Variants in SYTL5 observed in about 807,000 individuals in gnomAD.
SYTL5 encodes synaptotagmin like 5.
Under a neutral mutation model 55.9 loss-of-function variants are expected in SYTL5, and 34 were observed. The ratio of observed to expected loss-of-function variants is 0.61; its 90% confidence interval spans 0.46 to 0.81. SYTL5 has a LOEUF of 0.81. SYTL5 is among the 30% of genes least tolerant of loss of function. SYTL5 has a pLI of 0.00. For synonymous variants in SYTL5, 221 were observed against 188.7 expected (o/e 1.17, Z -1.40); for missense variants, 637 against 546.7 (o/e 1.17, Z -1.65).
the SYTL5 span, chrX:37,991,463 A>G: frequency 1.2e-5 from 5 of 405,643 alleles, no homozygotes; most frequent in African/African-American, 2.5e-5. Flanking sequence ...GCAGTTTCCA[A>G]TGGTGACAGT....
At chrX:37,926,665 G>A in the SYTL5 span, among the ~76,000 whole-genome samples, 1 of 111,625 alleles carries the variant, frequency 9.0e-6, no homozygotes, top group Admixed American at 9.5e-5. Flanking sequence ...CATCATGTCT[G>A]TTAGTAATGG....
At chrX:37,935,843 G>T in the SYTL5 span, among the ~76,000 whole-genome samples, 1 of 111,965 alleles carries the variant, frequency 8.9e-6, no homozygotes, top group Non-Finnish European at 1.9e-5. Flanking sequence ...GAACAAAAAG[G>T]CATAAGGCAT....
chrX:37,919,769 C>A, the SYTL5 span, among the ~76,000 whole-genome samples: 1 of 112,512 alleles, frequency 8.9e-6, no homozygotes, highest in Non-Finnish European at 1.9e-5. Flanking sequence ...CTTGTTCTAG[C>A]TAAATATTTG....
intron 2 of SYTL5, among the ~76,000 whole-genome samples, 171 bp downstream of exon 2, chrX:38,034,179 T>C (rs766390321): frequency 2.0e-3 from 222 of 112,220 alleles, no homozygotes; most frequent in Middle Eastern, 4.6e-3. Flanking sequence ...TTTCACCATT[T>C]AGCCAGACAT....
chrX:38,037,907 T>C (rs1935159259), intron 2 of SYTL5, among the ~76,000 whole-genome samples: 1 of 111,096 alleles, frequency 9.0e-6, no homozygotes, highest in East Asian at 2.8e-4. Context: ...GGAGAGATGA[T>C]GGTATAATTT....
intron 1 of SYTL5, among the ~76,000 whole-genome samples, chrX:38,025,177 A>G (rs775579832): frequency 8.9e-6 from 1 of 112,191 alleles, no homozygotes; most frequent in East Asian, 2.8e-4. Context: ...CATCCTAAAC[A>G]TCTCTGTAAG....
intron 9 of SYTL5, among the ~76,000 whole-genome samples, chrX:38,098,250 G>T (rs1041650753): frequency 2.3e-4 from 26 of 111,239 alleles, no homozygotes; most frequent in African/African-American, 8.4e-4. Flanking sequence ...CTACAGATGT[G>T]AAAAGTCAAG....
At chrX:37,970,150 A>T in the SYTL5 span, among the ~76,000 whole-genome samples, 208 of 111,542 alleles carry the variant, frequency 1.9e-3, no homozygotes, top group Middle Eastern at 0.014. Context: ...TTATGATTTC[A>T]TTTTAATTAT....
the SYTL5 span, among the ~76,000 whole-genome samples, chrX:37,984,031 T>C: frequency 1.9e-4 from 21 of 111,390 alleles, no homozygotes; most frequent in African/African-American, 6.8e-4. Context: ...CAGATGTATA[T>C]TTAAAAGGAA....
the SYTL5 span, among the ~76,000 whole-genome samples, chrX:37,934,093 G>T: frequency 9.0e-6 from 1 of 111,688 alleles, no homozygotes; most frequent in Non-Finnish European, 1.9e-5. Flanking sequence ...CCCTGGGGAG[G>T]TAGGAGAAAT....
the SYTL5 span, among the ~76,000 whole-genome samples, chrX:37,943,513 ACT>A: frequency 9.0e-6 from 1 of 110,800 alleles, no homozygotes; most frequent in Admixed American, 9.6e-5. Flanking sequence ...GGTAAGGGTG[ACT>A]CTTACTAGAC....
the SYTL5 span, among the ~76,000 whole-genome samples, chrX:37,908,121 GAAA>G: frequency 1.3e-4 from 12 of 89,928 alleles, no homozygotes; most frequent in African/African-American, 4.8e-4. Flanking sequence ...TGTCTCTAAA[GAAA>G]AAAAAAAAAA....
At chrX:38,073,543 C>A in intron 4 of SYTL5, 47 bp from the exon 5 acceptor site, 2 of 960,656 alleles carry the variant, frequency 2.1e-6, no homozygotes, top group Non-Finnish European at 2.9e-6. Context: ...GCTCTCATTT[C>A]TGGCCATTTT....
intron 9 of SYTL5, among the ~76,000 whole-genome samples, chrX:38,098,101 G>A (rs1457823073): frequency 9.1e-6 from 1 of 110,292 alleles, no homozygotes; most frequent in African/African-American, 3.3e-5. Flanking sequence ...AGAAAACCTA[G>A]GAGAAAATCT....
At chrX:37,957,987 T>A in the SYTL5 span, among the ~76,000 whole-genome samples, 1 of 111,685 alleles carries the variant, frequency 9.0e-6, no homozygotes, top group East Asian at 2.8e-4. Context: ...TGCAGGCAGA[T>A]CACTTGAGGT....
At chrX:38,101,225 A>C (rs183260443) in intron 9 of SYTL5, among the ~76,000 whole-genome samples, 1 of 111,391 alleles carries the variant, frequency 9.0e-6, no homozygotes, top group East Asian at 2.8e-4. Context: ...TTAAAATATT[A>C]ATTATTCCCG....
At chrX:38,058,424 T>C (rs1206872422) in intron 3 of SYTL5, among the ~76,000 whole-genome samples, 1 of 111,449 alleles carries the variant, frequency 9.0e-6, no homozygotes, top group Non-Finnish European at 1.9e-5. Context: ...TTCTTTGCTA[T>C]ATCTCTATGC....
intron 6 of SYTL5, among the ~76,000 whole-genome samples, chrX:38,085,272 A>G (rs904506934): frequency 1.8e-5 from 2 of 111,667 alleles, no homozygotes; most frequent in Non-Finnish European, 3.8e-5. Context: ...GGGGAGTTTT[A>G]AAACATCCTG....
rs781133865 is a variant in SYTL5, at chrX:38,054,379, G to T, written c.286G>T (p.Gly96Cys). Residue 96 changes from glycine (G) to cysteine (C), a missense_variant, in exon 3 of 17, where the codon GGC (glycine) becomes TGC (cysteine). Gly to Cys is a radical substitution (Grantham distance 159). Transcript: ENST00000297875. ...GGTATGCAGGGAGTGTCGAGTTGCA[G>T]GCCCCAATGGCAGCTGGAAGTGCAC... ...LRVCRECRVA[G>C]PNGSWKCTVC... 14 of 1,209,663 alleles carry T rather than the reference G, an allele frequency of 1.2e-5. No homozygotes were observed. The South Asian group carries it at 2.1e-4, about 18-fold the overall frequency.
Sources: gnomAD v4.1 joint callset for allele counts (sites outside exome capture counted in the v4.1 genomes callset) on GRCh38, gnomAD v4.1.1 for gene constraint, MANE v1.5 for transcripts, NCBI Gene and HGNC (gene_info 2026-07-23, HGNC 2026-07-21) for gene names.